Variants in ANO10 observed in about 807,000 individuals in gnomAD.
ANO10 encodes the protein anoctamin 10, also known as anoctamin-10.
In ANO10, 77 loss-of-function variants were observed where a neutral mutation model predicts 74.7. The ratio of observed to expected loss-of-function variants is 1.03; its 90% CI spans 0.86 to 1.25. The LOEUF is 1.25. Ranked by LOEUF, ANO10 falls within the 50% of genes most tolerant of loss-of-function variation. The probability of loss-of-function intolerance (pLI) is 0.00; values close to 1 mark genes in which losing one functional copy is unlikely to be tolerated. For missense variants in ANO10, 721 were observed against 778.1 expected (o/e 0.93, Z 0.87); for synonymous variants, 279 against 284.9 (o/e 0.98, Z 0.21).
intron 11 of ANO10, among the ~76,000 whole-genome samples, chr3:43,536,654 CT>C (rs2078723207): frequency 6.6e-6 from 1 of 152,042 alleles, no homozygotes; most frequent in African/African-American, 2.4e-5. Flanking sequence ...TCTTTTGTTC[CT>C]TTCAGCAATA....
chr3:43,584,931 T>G (rs1223791757), intron 4 of ANO10, among the ~76,000 whole-genome samples: 1 of 152,154 alleles, frequency 6.6e-6, no homozygotes. Context: ...CTAAAGCCTC[T>G]CCTCTCAATT....
intron 7 of ANO10, among the ~76,000 whole-genome samples, chr3:43,574,224 G>A (rs1258516942): frequency 6.7e-6 from 1 of 150,232 alleles, no homozygotes; most frequent in Non-Finnish European, 1.5e-5. Flanking sequence ...CCAAAGTGCT[G>A]GGATTACAGG....
At chr3:43,528,465 A>G (rs1231298331) in intron 11 of ANO10, among the ~76,000 whole-genome samples, 2 of 152,138 alleles carry the variant, frequency 1.3e-5, no homozygotes, top group Admixed American at 6.5e-5. Context: ...TAACAAATGA[A>G]CAAAATGGAA....
intron 1 of ANO10, among the ~76,000 whole-genome samples, chr3:43,665,733 G>A (rs894174606): frequency 6.6e-6 from 1 of 152,096 alleles, no homozygotes; most frequent in East Asian, 1.9e-4. Context: ...CTGGTTGGTC[G>A]TAGCTCTGAC....
intron 12 of ANO10, among the ~76,000 whole-genome samples, chr3:43,427,256 G>T (rs956984137): frequency 3.3e-5 from 5 of 152,110 alleles, no homozygotes; most frequent in Non-Finnish European, 7.3e-5. Context: ...GCCATGCTTG[G>T]GAATCTATTT....
At chr3:43,451,814 G>A (rs186876569) in intron 11 of ANO10, among the ~76,000 whole-genome samples, 3 of 152,218 alleles carry the variant, frequency 2.0e-5, no homozygotes, top group Admixed American at 2.0e-4. Flanking sequence ...GAGTTTGAGA[G>A]GCTCTATGCT....
At chr3:43,481,313 T>C (rs1233624337) in intron 11 of ANO10, among the ~76,000 whole-genome samples, 1 of 152,176 alleles carries the variant, frequency 6.6e-6, no homozygotes, top group East Asian at 1.9e-4. Flanking sequence ...AAAGCTGAAT[T>C]TGCTTGGTCA....
chr3:43,391,195 T>C (rs1367708385), intron 12 of ANO10, among the ~76,000 whole-genome samples: 2 of 152,206 alleles, frequency 1.3e-5, no homozygotes, highest in African/African-American at 4.8e-5. Flanking sequence ...CCCTAAATGA[T>C]TTTGAAAGGT....
intron 11 of ANO10, among the ~76,000 whole-genome samples, chr3:43,493,980 C>G (rs1354218923): frequency 6.6e-6 from 1 of 152,146 alleles, no homozygotes; most frequent in Non-Finnish European, 1.5e-5. Flanking sequence ...AAGCAATCCT[C>G]CCACTTCTAC....
chr3:43,556,380 C>T (rs2079750106), intron 9 of ANO10, among the ~76,000 whole-genome samples: 1 of 152,118 alleles, frequency 6.6e-6, no homozygotes. Flanking sequence ...CATGCAAAGG[C>T]CTTCTTGGAG....
chr3:43,622,387 G>A (rs2083439312), upstream of ANO10, among the ~76,000 whole-genome samples: 1 of 152,172 alleles, frequency 6.6e-6, no homozygotes, highest in South Asian at 2.1e-4. Context: ...GGCGGCATGT[G>A]GCTGGGCTCT....
chr3:43,421,704 G>A (rs2092822279), intron 12 of ANO10, among the ~76,000 whole-genome samples: 1 of 152,086 alleles, frequency 6.6e-6, no homozygotes, highest in African/African-American at 2.4e-5. Flanking sequence ...GAGGTGTGGT[G>A]GCTAACACTG....
rs138769577 is a variant in ANO10 at position 43,658,956 on chromosome 3, T to A, written c.-12+32561A>T. Reference sequence around the variant, plus strand: ...GGGTGGTAGTTGTGTTATATTTTATTATAAAGCATTAAGTTGAATATTTAT... The same window carrying A: ...GGGTGGTAGTTGTGTTATATTTTATAATAAAGCATTAAGTTGAATATTTAT... On this transcript the variant is annotated intron_variant, in intron 1 of 3. Transcript: ENST00000413397. 3.2e-3 allele frequency among the ~76,000 whole-genome samples: 493 copies of A among 152,310 alleles called. 7 individuals are homozygous for A. The highest frequency in any genetic ancestry group is 0.012 in the African/African-American group (479 of 41,558).
At position 43,605,733 on chromosome 3, in the gene ANO10, T is replaced by G. The variant is rs781603443; in HGVS notation, c.120A>C (p.Ile40=). ...ETKEWLKNRI[I]AKKKDGGAQL... Reference sequence around the variant, plus strand: ...ACTCACCTCCATCTTTTTTTTTAGCTATAATTCTGTTTTTCAGCCATTCTT... The same window carrying G: ...ACTCACCTCCATCTTTTTTTTTAGCGATAATTCTGTTTTTCAGCCATTCTT... Residue 40 remains isoleucine (I), a synonymous_variant, in exon 2 of 13, where the codon ATA becomes ATC. Coordinates refer to ENST00000292246, the MANE Select transcript of ANO10 (RefSeq NM_018075.5). 3.7e-6 allele frequency: 6 copies of G among 1,613,610 alleles called. No individual in the cohort carries two copies. The African/African-American group carries it at 6.7e-5, about 18-fold the overall frequency.
At chr3:43,368,642 C>G (rs2091492883) in intron 12 of ANO10, among the ~76,000 whole-genome samples, 1 of 151,784 alleles carries the variant, frequency 6.6e-6, no homozygotes, top group Non-Finnish European at 1.5e-5. Flanking sequence ...ACTGCAGACT[C>G]TTCTAGCTGT....
intron 1 of ANO10, among the ~76,000 whole-genome samples, chr3:43,686,810 A>G (rs1371435703): frequency 6.6e-6 from 1 of 152,210 alleles, no homozygotes; most frequent in Non-Finnish European, 1.5e-5. Flanking sequence ...TCTAACAGAC[A>G]GGGTTGCTCT....
intron 12 of ANO10, chr3:43,372,975 A>G (rs1251597019): frequency 1.1e-6 from 1 of 902,526 alleles, no homozygotes; most frequent in Non-Finnish European, 1.6e-6. Flanking sequence ...ACACATATTC[A>G]AGTTCTTGAA....
chr3:43,375,515 G>C (rs2091771177), intron 12 of ANO10, among the ~76,000 whole-genome samples: 1 of 151,896 alleles, frequency 6.6e-6, no homozygotes, highest in Admixed American at 6.6e-5. Context: ...TTAAAGAAAG[G>C]CTTCCAAAGG....
At chr3:43,650,261 C>T (rs756385764) in intron 1 of ANO10, among the ~76,000 whole-genome samples, 1 of 152,124 alleles carries the variant, frequency 6.6e-6, no homozygotes, top group East Asian at 1.9e-4. Flanking sequence ...GGCCATCCAG[C>T]GGCCAATTCT....
Sources: gnomAD v4.1 joint callset for allele counts (sites outside exome capture counted in the v4.1 genomes callset) on GRCh38, gnomAD v4.1.1 for gene constraint, MANE v1.5 for transcripts, NCBI Gene and HGNC (gene_info 2026-07-23, HGNC 2026-07-21) for gene names.